Variants in GHR observed in about 807,000 individuals in gnomAD.
The protein encoded by GHR is growth hormone receptor.
GHR carries 35 observed loss-of-function variants against 67.1 expected under a neutral mutation model. That is an observed-to-expected ratio of 0.52 (90% CI 0.40 to 0.69). The LOEUF (loss-of-function observed/expected upper bound fraction) is 0.69, where lower values mean the gene tolerates loss of function less well. GHR is among the 30% of genes least tolerant of loss of function. GHR has a pLI of 0.00. For synonymous variants in GHR, 272 were observed against 269.1 expected, an observed-to-expected ratio of 1.01 and a Z score of -0.10; for missense variants, 792 against 764.6, an observed-to-expected ratio of 1.04 and a Z score of -0.42.
At chr5:42,588,409 A>G (rs1751596098) in intron 2 of GHR, among the ~76,000 whole-genome samples, 2 of 151,858 alleles carry the variant, frequency 1.3e-5, no homozygotes, top group East Asian at 1.9e-4. Flanking sequence ...AGTCCCAGCT[A>G]CTTGGGAGAC....
At chr5:42,650,442 C>T (rs1434611133) in intron 3 of GHR, among the ~76,000 whole-genome samples, 1 of 151,830 alleles carries the variant, frequency 6.6e-6, no homozygotes, top group Non-Finnish European at 1.5e-5. Context: ...TAATAAGGCC[C>T]ATTTTCTTAT....
At chr5:42,448,577 T>TATA (rs1370868454) in intron 1 of GHR, among the ~76,000 whole-genome samples, 1 of 35,096 alleles carries the variant, frequency 2.8e-5, no homozygotes, top group Non-Finnish European at 5.6e-5. Flanking sequence ...TGTTTACTAT[T>TATA]ATTATTATTA....
intron 1 of GHR, among the ~76,000 whole-genome samples, chr5:42,531,792 T>G (rs540905155): frequency 6.8e-4 from 104 of 152,252 alleles, no homozygotes; most frequent in African/African-American, 2.4e-3. Flanking sequence ...TCATTGCTAT[T>G]TGTTGCAATT....
chr5:42,502,282 A>G (rs897997550), intron 1 of GHR, among the ~76,000 whole-genome samples: 2 of 152,220 alleles, frequency 1.3e-5, no homozygotes, highest in African/African-American at 4.8e-5. Flanking sequence ...AATGTTTAAA[A>G]TTATGTTCTT....
chr5:42,680,060 G>T (rs766744016), intron 3 of GHR, among the ~76,000 whole-genome samples: 1 of 152,148 alleles, frequency 6.6e-6, no homozygotes, highest in Non-Finnish European at 1.5e-5. Context: ...TTAAATAACT[G>T]ATACATTTAG....
At position 42,599,448 on chromosome 5, in the gene GHR, G is replaced by C. The variant is rs145550698; in HGVS notation, c.71-29590G>C. ...CACAATCTCAGCTCACTCAACCTCT[G>C]CCTCCCGGGTTCAAGCAATTCCCTG... On this transcript the variant is annotated intron_variant, in intron 2 of 9. Transcript: ENST00000230882. Among the ~76,000 whole-genome samples the C allele has an allele frequency of 4.5e-3, 642 of 141,388 alleles. 4 individuals are homozygous for C. The highest frequency in any genetic ancestry group is 0.017 in the African/African-American group (620 of 36,782). 92.8% of individuals were successfully genotyped at this position (141,388 alleles called of 152,430 possible).
chr5:42,613,923 G>A (rs1753010939), intron 2 of GHR, among the ~76,000 whole-genome samples: 1 of 152,016 alleles, frequency 6.6e-6, no homozygotes, highest in African/African-American at 2.4e-5. Context: ...AAATTTTATA[G>A]GCCAAATAGA....
chr5:42,488,895 C>A (rs148869157), intron 1 of GHR, among the ~76,000 whole-genome samples: 1 of 152,252 alleles, frequency 6.6e-6, no homozygotes, highest in East Asian at 1.9e-4. Flanking sequence ...ACTATGTTGC[C>A]ATCCCCAAGG....
chr5:42,453,300 G>A (rs1187777306), intron 1 of GHR, among the ~76,000 whole-genome samples: 1 of 152,092 alleles, frequency 6.6e-6, no homozygotes, highest in Non-Finnish European at 1.5e-5. Flanking sequence ...TCCTCTCATG[G>A]TATACAGTTT....
At chr5:42,691,887 T>C (rs2111680283) in intron 4 of GHR, among the ~76,000 whole-genome samples, 1 of 152,358 alleles carries the variant, frequency 6.6e-6, no homozygotes, top group African/African-American at 2.4e-5. Flanking sequence ...TCAGGATGAA[T>C]GCACATTACA....
intron 1 of GHR, among the ~76,000 whole-genome samples, chr5:42,520,312 G>A (rs182940659): frequency 1.3e-4 from 20 of 152,280 alleles, no homozygotes; most frequent in Non-Finnish European, 2.9e-4. Context: ...GAAGGCAGGA[G>A]AGGTATCATT....
intron 1 of GHR, among the ~76,000 whole-genome samples, chr5:42,563,949 A>C (rs1749778077): frequency 6.6e-6 from 1 of 152,152 alleles, no homozygotes; most frequent in Non-Finnish European, 1.5e-5. Flanking sequence ...ACCTAGGAGT[A>C]AAGGACATTG....
chr5:42,478,058 G>T (rs11743641), intron 1 of GHR, among the ~76,000 whole-genome samples: 1 of 151,936 alleles, frequency 6.6e-6, no homozygotes, highest in South Asian at 2.1e-4. Flanking sequence ...ATTAATTTTT[G>T]TATAAGGTGT....
At chr5:42,458,262 T>C (rs1744342213) in intron 1 of GHR, among the ~76,000 whole-genome samples, 1 of 152,014 alleles carries the variant, frequency 6.6e-6, no homozygotes, top group Admixed American at 6.6e-5. Flanking sequence ...AAACAGCATG[T>C]CACTGGCACA....
intron 3 of GHR, among the ~76,000 whole-genome samples, chr5:42,639,483 C>CT (rs1414811023): frequency 2.0e-5 from 3 of 151,986 alleles, no homozygotes; most frequent in African/African-American, 7.2e-5. Context: ...AGCCTTTTTT[C>CT]TTTTTTTATC....
At chr5:42,579,070 A>T (rs544618267) in intron 2 of GHR, among the ~76,000 whole-genome samples, 17 of 139,140 alleles carry the variant, frequency 1.2e-4, no homozygotes, top group Admixed American at 9.1e-4. Flanking sequence ...TCTAAATCTG[A>T]CACTATAGAT....
At chr5:42,570,625 C>T (rs2112497036) in intron 2 of GHR, among the ~76,000 whole-genome samples, 1 of 152,282 alleles carries the variant, frequency 6.6e-6, no homozygotes, top group Middle Eastern at 3.4e-3. Context: ...TAGCTTCAAA[C>T]AATCCTTCTT....
intron 1 of GHR, among the ~76,000 whole-genome samples, chr5:42,486,938 T>TA (rs1463534385): frequency 6.6e-6 from 1 of 152,194 alleles, no homozygotes; most frequent in Non-Finnish European, 1.5e-5. Flanking sequence ...GTTAACTTCT[T>TA]ACATTTCTGT....
rs756925109 is a variant in GHR, at chr5:42,629,043, G to T, written c.76G>T (p.Ala26Ser). 7.2e-7 allele frequency: 1 copy of T among 1,386,758 alleles called. No individual in the cohort carries two copies. Among genetic ancestry groups the T allele is most frequent in the African/African-American group, 1.8e-5 (1 of 55,470 alleles). 85.9% of individuals were successfully genotyped at this position (1,386,758 alleles called of 1,614,324 possible). The change falls in exon 3 of 10, where the codon GCA (alanine) becomes TCA (serine). Residue 26 changes from alanine to serine, a missense_variant. By Grantham distance (99) the Ala-to-Ser change is moderately conservative. Coordinates refer to ENST00000230882, the MANE Select transcript of GHR (RefSeq NM_000163.5). ...SDAFSGSEAT[A>S]AILSRAPWSL... The stretch of plus-strand genomic sequence containing the variant: ...TTCTTCTCTTTCTGTTTCAGCCACA[G>T]CAGCTATCCTTAGCAGAGCACCCTG...
Sources: allele counts gnomAD v4.1 joint callset (sites outside exome capture counted in the v4.1 genomes callset), GRCh38; gene constraint gnomAD v4.1.1; transcripts MANE v1.5; gene names NCBI Gene and HGNC (gene_info 2026-07-23, HGNC 2026-07-21).